Variants in COLEC10 observed in about 807,000 individuals in gnomAD.
The protein encoded by COLEC10 is collectin subfamily member 10, also known as collectin-10.
Under a neutral mutation model 28.4 loss-of-function variants are expected in COLEC10, and 22 were observed. That is an observed-to-expected ratio of 0.78 (90% confidence interval 0.55 to 1.11). The LOEUF (loss-of-function observed/expected upper bound fraction) is 1.11, where lower values mean the gene tolerates loss of function less well. COLEC10 is among the 50% of genes least tolerant of loss of function. The pLI, the probability that COLEC10 is intolerant of heterozygous loss-of-function variation, is 0.00. For missense variants in COLEC10, 361 were observed against 344.1 expected (o/e 1.05, Z -0.39); for synonymous variants, 125 against 116.1 (o/e 1.08, Z -0.49).
At chr8:118,957,831 CAAAG>C in the COLEC10 span, among the ~76,000 whole-genome samples, 1 of 152,132 alleles carries the variant, frequency 6.6e-6, no homozygotes, top group Non-Finnish European at 1.5e-5. Flanking sequence ...TGCTAGGTAA[CAAAG>C]CCTCTGGTGT....
chr8:119,010,300 A>AT (rs1813881360), intron 2 of COLEC10, among the ~76,000 whole-genome samples: 1 of 150,802 alleles, frequency 6.6e-6, no homozygotes, highest in East Asian at 1.9e-4. Flanking sequence ...TTTTTCAGTA[A>AT]TATGCATTTT....
At chr8:118,963,373 T>C in the COLEC10 span, among the ~76,000 whole-genome samples, 2 of 152,152 alleles carry the variant, frequency 1.3e-5, no homozygotes, top group Non-Finnish European at 2.9e-5. Context: ...ACAAACTTGG[T>C]TCTTGATTAA....
At chr8:118,992,260 T>C (rs1176360847), upstream of COLEC10, among the ~76,000 whole-genome samples, 1 of 152,168 alleles carries the variant, frequency 6.6e-6, no homozygotes, top group Non-Finnish European at 1.5e-5. Flanking sequence ...AAGGATCTTT[T>C]TAAAAATTTT....
At chr8:119,046,204 C>G (rs1814585910) in intron 2 of COLEC10, among the ~76,000 whole-genome samples, 1 of 152,120 alleles carries the variant, frequency 6.6e-6, no homozygotes, top group Admixed American at 6.5e-5. Flanking sequence ...AGTTGTATAA[C>G]TTTTAGCACC....
In COLEC10 at chr8:119,093,789, T is replaced by C. The variant is rs1176498393; in HGVS notation, c.292+2569T>C. On this transcript the variant is annotated intron_variant, in intron 3 of 5. Coordinates refer to ENST00000332843, the MANE Select transcript of COLEC10 (RefSeq NM_006438.5). ...GTATTCTGTGTATGTTTGTGCTTTA[T>C]ATATTTTTAAAAGAGTACAATTCCA... 5.9e-5 allele frequency among the ~76,000 whole-genome samples: 9 copies of C among 152,218 alleles called. No homozygotes were observed. The South Asian group carries it at 8.3e-4, about 14-fold the overall frequency.
chr8:118,958,683 T>A, the COLEC10 span, among the ~76,000 whole-genome samples: 1 of 152,258 alleles, frequency 6.6e-6, no homozygotes, highest in South Asian at 2.1e-4. Context: ...TGGAATACGA[T>A]GAGACCTTTC....
chr8:119,066,438 TC>T (rs1364947014), upstream of COLEC10, among the ~76,000 whole-genome samples: 1 of 152,202 alleles, frequency 6.6e-6, no homozygotes, highest in Non-Finnish European at 1.5e-5. Context: ...CACAAGCTTT[TC>T]CCCCTTATTT....
At chr8:118,963,406 T>G in the COLEC10 span, among the ~76,000 whole-genome samples, 1 of 152,194 alleles carries the variant, frequency 6.6e-6, no homozygotes, top group Non-Finnish European at 1.5e-5. Flanking sequence ...TTATGACCAG[T>G]CACTTGTCTG....
rs143807859 is a variant in COLEC10 at position 119,067,360 on chromosome 8, G to T, written c.79G>T (p.Gly27Cys). The stretch of plus-strand genomic sequence containing the variant: ...ATTTCTTTTGCAAATTCAGAGTCTG[G>T]GTCTGGATATTGATAGCCGTCCTAC... ...VLFLLQIQSL[G>C]LDIDSRPTAE... The change falls in exon 1 of 6, where the codon GGT becomes TGT. Residue 27 changes from glycine (G) to cysteine (C), a missense_variant. Gly to Cys is a radical substitution (Grantham distance 159, BLOSUM62 -3). This residue lies in a region of COLEC10 where 335 missense variants were observed against 308.5 expected (regional missense o/e 1.09). Coordinates refer to ENST00000332843, the MANE Select transcript of COLEC10 (RefSeq NM_006438.5). 5 of 1,613,932 alleles carry T rather than the reference G, an allele frequency of 3.1e-6. No individual in the cohort carries two copies. In the South Asian group the frequency reaches 5.5e-5, roughly 18 times the overall value.
At chr8:119,042,578 A>C (rs1343635293) in intron 2 of COLEC10, among the ~76,000 whole-genome samples, 1 of 152,116 alleles carries the variant, frequency 6.6e-6, no homozygotes, top group Non-Finnish European at 1.5e-5. Flanking sequence ...TGAGCCCAGC[A>C]CACATCCCCT....
intron 2 of COLEC10, among the ~76,000 whole-genome samples, chr8:119,026,817 T>C (rs1814200382): frequency 6.6e-6 from 1 of 152,090 alleles, no homozygotes; most frequent in African/African-American, 2.4e-5. Context: ...ACTTTCAGAG[T>C]TGCCTGAAGC....
At chr8:119,031,212 C>T (rs1480331654) in intron 2 of COLEC10, among the ~76,000 whole-genome samples, 2 of 152,190 alleles carry the variant, frequency 1.3e-5, no homozygotes, top group Non-Finnish European at 2.9e-5. Flanking sequence ...GAATGATTCT[C>T]AGTCACAAGA....
At chr8:118,968,727 A>T in the COLEC10 span, among the ~76,000 whole-genome samples, 1 of 151,744 alleles carries the variant, frequency 6.6e-6, no homozygotes, top group Non-Finnish European at 1.5e-5. Flanking sequence ...GCACCCATCA[A>T]CCCATCATCT....
rs746304259 is a variant in COLEC10 at position 119,106,191 on chromosome 8, A to G, written c.834A>G (p.Ter278=). ...FVCEFIKKKK[*] is the part of the protein sequence containing the mutation. ...GTGAGTTCATCAAGAAGAAAAAGTA[A>G]CTTCCCTCATCCTACGTATTTGCTA... is the stretch of plus-strand genomic sequence containing the variant. The change falls in exon 6 of 6, where the codon TAA becomes TAG. Residue 278 remains the stop codon, a stop_retained_variant. Coordinates refer to ENST00000332843, the MANE Select transcript of COLEC10 (RefSeq NM_006438.5). The G allele has an allele frequency of 1.8e-5, 29 of 1,595,852 alleles. No homozygotes were observed. The highest frequency in any genetic ancestry group is 8.6e-7 in the Non-Finnish European group (1 of 1,166,810).
intron 2 of COLEC10, among the ~76,000 whole-genome samples, chr8:119,017,711 A>C (rs1295637913): frequency 6.6e-6 from 1 of 152,146 alleles, no homozygotes. Flanking sequence ...AATTGTATAA[A>C]TATCTATTGG....
intron 3 of COLEC10, among the ~76,000 whole-genome samples, chr8:119,099,391 C>T (rs62532216): frequency 4.0e-5 from 6 of 151,882 alleles, no homozygotes; most frequent in Admixed American, 1.3e-4. Context: ...AGTGCTGATC[C>T]GATTATAAGA....
At chr8:118,984,160 A>G in the COLEC10 span, among the ~76,000 whole-genome samples, 4 of 152,166 alleles carry the variant, frequency 2.6e-5, no homozygotes, top group African/African-American at 9.7e-5. Context: ...AATTAAAAAA[A>G]AAATGAGATC....
At chr8:119,006,021 C>G (rs1813788291) in intron 1 of COLEC10, among the ~76,000 whole-genome samples, 1 of 152,074 alleles carries the variant, frequency 6.6e-6, no homozygotes, top group Admixed American at 6.6e-5. Context: ...GCTTTTAAAG[C>G]TATCATCAGT....
chr8:119,011,437 C>T (rs1813899010), intron 2 of COLEC10, among the ~76,000 whole-genome samples: 1 of 150,274 alleles, frequency 6.7e-6, no homozygotes, highest in Non-Finnish European at 1.5e-5. Context: ...TGCTTTCCTT[C>T]AATATTGTGT....
Sources: gnomAD v4.1 joint callset for allele counts (sites outside exome capture counted in the v4.1 genomes callset) on GRCh38, gnomAD v4.1.1 for gene constraint, gnomAD v4.1.1 regional missense constraint, MANE v1.5 for transcripts, NCBI Gene and HGNC (gene_info 2026-07-23, HGNC 2026-07-21) for gene names.